ZNG1F: variants seen among roughly 807,000 people sequenced by gnomAD.
ZNG1F encodes zinc-regulated GTPase metalloprotein activator 1F.
chr9:41,180,168 CT>C, the ZNG1F span, among the ~76,000 whole-genome samples: 9,297 of 16,854 alleles, frequency 0.55, 2,145 homozygotes, highest in Non-Finnish European at 0.62. Flanking sequence ...ATAAACACAG[CT>C]TTTTTTTTTT....
chr9:41,135,771 A>T, the ZNG1F span, among the ~76,000 whole-genome samples: 2 of 123,224 alleles, frequency 1.6e-5, no homozygotes, highest in African/African-American at 3.5e-5. Flanking sequence ...ATTATGAAAG[A>T]TTTTCTCCTT....
the ZNG1F span, among the ~76,000 whole-genome samples, chr9:41,155,222 G>T: frequency 2.0e-5 from 3 of 151,060 alleles, 1 homozygote; most frequent in Admixed American, 2.0e-4. Context: ...CTCAAAAGAA[G>T]ACATTTATGC....
the ZNG1F span, among the ~76,000 whole-genome samples, chr9:41,175,122 C>T: frequency 4.7e-5 from 7 of 147,868 alleles, no homozygotes; most frequent in African/African-American, 1.5e-4. Flanking sequence ...AGGAGAAAAA[C>T]AAGGATAATC....
chr9:41,157,771 T>A, the ZNG1F span: 1 of 151,540 alleles, frequency 6.6e-6, no homozygotes, highest in Non-Finnish European at 1.5e-5. Flanking sequence ...CAATACTGTG[T>A]TAGATTACGA....
the ZNG1F span, among the ~76,000 whole-genome samples, chr9:41,150,400 G>T: frequency 6.9e-6 from 1 of 144,424 alleles, no homozygotes; most frequent in East Asian, 2.1e-4. Flanking sequence ...TGGGGGAGGG[G>T]CGCCCGCCAT....
the ZNG1F span, chr9:41,183,581 G>A: frequency 4.6e-5 from 73 of 1,595,988 alleles, 5 homozygotes; most frequent in African/African-American, 7.6e-4. Context: ...AACAGCAGAG[G>A]CAACCGTTTC....
the ZNG1F span, among the ~76,000 whole-genome samples, chr9:41,201,602 CA>C: frequency 7.3e-6 from 1 of 136,246 alleles, no homozygotes; most frequent in Non-Finnish European, 1.6e-5. Flanking sequence ...ACATTTATGA[CA>C]TTCATAGCAC....
At chr9:41,203,319 T>A in the ZNG1F span, among the ~76,000 whole-genome samples, 1 of 152,184 alleles carries the variant, frequency 6.6e-6, no homozygotes, top group East Asian at 1.9e-4. Flanking sequence ...TTATTCTTTT[T>A]CAAAATTACA....
the ZNG1F span, among the ~76,000 whole-genome samples, chr9:41,169,710 A>G: frequency 1.4e-5 from 2 of 147,772 alleles, no homozygotes; most frequent in African/African-American, 2.5e-5. Context: ...TGAATCTGCT[A>G]AAACATAGAT....
chr9:41,132,073 C>G, the ZNG1F span: 1 of 1,530,936 alleles, frequency 6.5e-7, no homozygotes, highest in Non-Finnish European at 8.8e-7. Context: ...CAAGCTTTTA[C>G]GAACATTGTA....
chr9:41,187,531 A>G, the ZNG1F span, among the ~76,000 whole-genome samples: 1 of 147,856 alleles, frequency 6.8e-6, no homozygotes, highest in Non-Finnish European at 1.5e-5. Flanking sequence ...AGGAATTTGA[A>G]TTTTAACCCA....
At chr9:41,137,133 C>T in the ZNG1F span, among the ~76,000 whole-genome samples, 1 of 136,360 alleles carries the variant, frequency 7.3e-6, no homozygotes, top group Non-Finnish European at 1.6e-5. Context: ...GAACTTTCCT[C>T]TTAGCACCAC....
the ZNG1F span, among the ~76,000 whole-genome samples, chr9:41,181,433 AT>A: frequency 1.6e-5 from 1 of 62,980 alleles, no homozygotes; most frequent in Non-Finnish European, 3.0e-5. Context: ...AAGGACCAAA[AT>A]AGCCTAATTC....
the ZNG1F span, among the ~76,000 whole-genome samples, chr9:41,195,547 A>G: frequency 7.1e-6 from 1 of 141,688 alleles, no homozygotes; most frequent in African/African-American, 2.6e-5. Flanking sequence ...CCATGCTATT[A>G]ATAAGTCTTA....
At chr9:41,165,049 G>C in the ZNG1F span, 3 of 1,580,294 alleles carry the variant, frequency 1.9e-6, no homozygotes, top group Non-Finnish European at 2.6e-6. Context: ...GACCAAGTCT[G>C]TTTTATTAAT....
the ZNG1F span, among the ~76,000 whole-genome samples, chr9:41,184,172 T>G: frequency 6.6e-6 from 1 of 151,070 alleles, no homozygotes; most frequent in African/African-American, 2.4e-5. Flanking sequence ...GTGTACCATG[T>G]GCTCATTTAA....
At chr9:41,171,942 GTTGAGAAACATCAT>G in the ZNG1F span, 1 of 166,906 alleles carries the variant, frequency 6.0e-6, no homozygotes, top group Non-Finnish European at 1.1e-5. Context: ...CACCTGGGAA[GTTGAGAAACATCAT>G]TTTACTGTAT....
At chr9:41,149,762 T>C in the ZNG1F span, among the ~76,000 whole-genome samples, 1 of 150,920 alleles carries the variant, frequency 6.6e-6, no homozygotes, top group Non-Finnish European at 1.5e-5. Context: ...CACATCCTCA[T>C]GCCTATAGTT....
chr9:41,165,120 A>T, the ZNG1F span: 1 of 1,536,732 alleles, frequency 6.5e-7, no homozygotes, highest in Admixed American at 1.8e-5. Flanking sequence ...ATGTTAAGAA[A>T]TTTTAAATAA....
Sources: allele counts gnomAD v4.1 joint callset (sites outside exome capture counted in the v4.1 genomes callset), GRCh38; gene constraint gnomAD v4.1.1; transcripts MANE v1.5; gene names NCBI Gene and HGNC (gene_info 2026-07-23, HGNC 2026-07-21).